The following SPOCK3 variants were observed in gnomAD, a reference collection of about 807,000 sequenced individuals.
The protein encoded by SPOCK3 is testican-3.
SPOCK3 carries 30 observed loss-of-function variants against 56.6 expected under a neutral mutation model. The observed-to-expected ratio is 0.53, with a 90% CI of 0.40 to 0.72. The LOEUF (loss-of-function observed/expected upper bound fraction) is 0.72. Ranked by LOEUF, SPOCK3 falls within the 30% of genes least tolerant of loss-of-function variation. The pLI is 0.00. For synonymous variants in SPOCK3, 196 were observed against 183.3 expected, an observed-to-expected ratio of 1.07 and a Z score of -0.56; for missense variants, 527 against 530.0, an observed-to-expected ratio of 0.99 and a Z score of 0.06.
At chr4:166,762,612 C>T (rs1396605167) in intron 7 of SPOCK3, among the ~76,000 whole-genome samples, 1 of 152,074 alleles carries the variant, frequency 6.6e-6, no homozygotes, top group Admixed American at 6.6e-5. Context: ...CTACAGGGTT[C>T]TGTAAGTTGA....
chr4:166,993,031 C>A (rs993282932), intron 4 of SPOCK3, among the ~76,000 whole-genome samples: 1 of 152,146 alleles, frequency 6.6e-6, no homozygotes, highest in African/African-American at 2.4e-5. Flanking sequence ...TCGATTTAAA[C>A]CCCTGTTCTC....
intron 6 of SPOCK3, among the ~76,000 whole-genome samples, chr4:166,839,950 G>A (rs956489715): frequency 6.6e-6 from 1 of 152,166 alleles, no homozygotes; most frequent in Non-Finnish European, 1.5e-5. Flanking sequence ...CCCTCTGAGG[G>A]TGTATTACTG....
At chr4:167,077,269 TACACACAC>T (rs553960996) in intron 2 of SPOCK3, among the ~76,000 whole-genome samples, 1 of 149,616 alleles carries the variant, frequency 6.7e-6, no homozygotes, top group Non-Finnish European at 1.5e-5. Flanking sequence ...TCATTCTACA[TACACACAC>T]ACACACACAC....
rs1179089954 is a variant in SPOCK3 at position 166,756,034 on chromosome 4, C to T, written c.710-1305G>A. On this transcript the variant is annotated intron_variant, in intron 7 of 10. Coordinates refer to ENST00000357545, the MANE Select transcript of SPOCK3 (RefSeq NM_001040159.2). ...GGCGCAGGCCAGTGTGTGTGCGCAC[C>T]GTGCGCGAGCCGAAGCAGGGCGAGG... Among the ~76,000 whole-genome samples, 24 of 34,354 alleles carry T rather than the reference C, an allele frequency of 7.0e-4. 6 individuals carry two copies. The East Asian group carries it at 8.5e-3, about 12-fold the overall frequency. 22.5% of individuals were successfully genotyped at this position (34,354 alleles called of 152,430 possible).
chr4:166,800,541 T>A lies in SPOCK3; in HGVS notation c.590-8252A>T, dbSNP rs1021389918. On this transcript the variant is annotated intron_variant, in intron 6 of 10. Transcript: ENST00000357545. ...TGATATTGATGATCCTGACCCTATG[T>A]AGGCCTAGGCGAATGTGTGTGTTTG... is the stretch of plus-strand genomic sequence containing the variant. Among the ~76,000 whole-genome samples the A allele has an allele frequency of 2.0e-5, 3 of 152,080 alleles. No homozygotes were observed. The South Asian group carries it at 6.2e-4, about 32-fold the overall frequency.
At chr4:167,205,003 A>T (rs1473790723) in intron 2 of SPOCK3, among the ~76,000 whole-genome samples, 30 of 130,696 alleles carry the variant, frequency 2.3e-4, no homozygotes, top group African/African-American at 7.1e-4. Context: ...ATCACCAGCT[A>T]TTTTTTTTTT....
rs529355371 is a variant in SPOCK3 at position 166,915,086 on chromosome 4, G to A, written c.351-2343C>T. Among the ~76,000 whole-genome samples the A allele has an allele frequency of 8.3e-4, 126 of 152,070 alleles. 3 individuals are homozygous for A. In the South Asian group the frequency reaches 0.024, roughly 29 times the overall value. Reference sequence around the variant, plus strand: ...AATGCATTTCTCAGTCTTATTATAGGAATACAAAGTACTTCTACAAATTTA... The same window carrying A: ...AATGCATTTCTCAGTCTTATTATAGAAATACAAAGTACTTCTACAAATTTA... On this transcript the variant is annotated intron_variant, in intron 4 of 10. Transcript: ENST00000357545.
At position 167,047,785 on chromosome 4, in the gene SPOCK3, C is replaced by T. The variant is rs180786867; in HGVS notation, c.235+14707G>A. On this transcript the variant is annotated intron_variant, in intron 3 of 10. Coordinates refer to ENST00000357545, the MANE Select transcript of SPOCK3 (RefSeq NM_001040159.2). ...TAAGTAACCCTAGTGCTGTGGCTCA[C>T]GCCTGTAATCCCAGCACTTGGGGAG... Among the ~76,000 whole-genome samples the T allele has an allele frequency of 1.4e-4, 21 of 152,282 alleles. No homozygotes were observed. In the East Asian group the frequency reaches 3.1e-3, roughly 22 times the overall value.
chr4:167,022,547 T>C (rs2150164517), intron 3 of SPOCK3, among the ~76,000 whole-genome samples: 1 of 152,118 alleles, frequency 6.6e-6, no homozygotes. Flanking sequence ...GTACCACTTT[T>C]CCCTCAACCC....
chr4:166,755,383 G>A (rs1422549583), intron 7 of SPOCK3, among the ~76,000 whole-genome samples: 3 of 152,072 alleles, frequency 2.0e-5, no homozygotes, highest in African/African-American at 4.8e-5. Flanking sequence ...GAGAGATGAC[G>A]GAACTGGGTT....
chr4:167,036,670 A>C (rs1262770986), intron 3 of SPOCK3, among the ~76,000 whole-genome samples: 2 of 152,182 alleles, frequency 1.3e-5, no homozygotes, highest in Non-Finnish European at 2.9e-5. Context: ...CTCTCTGTGA[A>C]GTGCAATCCA....
intron 4 of SPOCK3, among the ~76,000 whole-genome samples, chr4:166,947,680 T>C (rs1448787827): frequency 6.6e-6 from 1 of 152,200 alleles, no homozygotes; most frequent in Non-Finnish European, 1.5e-5. Flanking sequence ...TTAAAGATTG[T>C]ACTAAAACAT....
rs1201869618 is a variant in SPOCK3, at chr4:166,754,720, G to T, written c.719C>A (p.Thr240Asn). 4 of 1,613,132 alleles carry T rather than the reference G, an allele frequency of 2.5e-6. No individual in the cohort carries two copies. The East Asian group carries it at 8.9e-5, about 36-fold the overall frequency. The change falls in exon 8 of 11, where the codon ACC becomes AAC. Residue 240 changes from threonine (T) to asparagine (N), a missense_variant. Thr to Asn is a moderately conservative substitution (Grantham distance 65). Transcript: ENST00000357545. ...GTCCTTGCAAATTGGCAAGATGCTG[G>T]TATCGAATCCTAAAGGCAAAAAAAA... ...LLRPERSRFDTSILPICKDSL... is the reference protein window; with the variant it reads ...LLRPERSRFDNSILPICKDSL...
chr4:166,951,404 G>C (rs1214427187), intron 4 of SPOCK3, among the ~76,000 whole-genome samples: 1 of 139,864 alleles, frequency 7.1e-6, no homozygotes, highest in East Asian at 2.0e-4. Context: ...TCTCTGAATA[G>C]ACCAATAACA....
intron 4 of SPOCK3, among the ~76,000 whole-genome samples, chr4:166,943,541 A>G (rs977979663): frequency 6.6e-6 from 1 of 152,206 alleles, no homozygotes; most frequent in Admixed American, 6.5e-5. Context: ...CAGGCTAAAA[A>G]CCTCAAGTAG....
At chr4:167,133,166 C>T (rs1228343852) in intron 2 of SPOCK3, among the ~76,000 whole-genome samples, 1 of 151,900 alleles carries the variant, frequency 6.6e-6, no homozygotes, top group Non-Finnish European at 1.5e-5. Context: ...TTGAGATAGA[C>T]AGAGTATTTG....
chr4:166,885,474 C>T lies in SPOCK3; in HGVS notation c.589+3656G>A, dbSNP rs558062633. Among the ~76,000 whole-genome samples the T allele has an allele frequency of 4.0e-3, 605 of 151,974 alleles. 5 individuals are homozygous for T. The highest frequency in any genetic ancestry group is 6.6e-3 in the Non-Finnish European group (446 of 67,988). ...ATAAATTAATTCCAAAGCTTCATGT[C>T]TGGCAATGACCGATTTGCACTGTAT... On this transcript the variant is annotated intron_variant, in intron 6 of 10. Coordinates refer to ENST00000357545, the MANE Select transcript of SPOCK3 (RefSeq NM_001040159.2).
chr4:167,055,845 G>A (rs907035843), intron 3 of SPOCK3, among the ~76,000 whole-genome samples: 3 of 152,202 alleles, frequency 2.0e-5, no homozygotes, highest in African/African-American at 7.2e-5. Context: ...AGGCCTGCCT[G>A]CCTCTGTAGG....
At chr4:166,922,197 G>C (rs1738573777) in intron 4 of SPOCK3, among the ~76,000 whole-genome samples, 1 of 152,080 alleles carries the variant, frequency 6.6e-6, no homozygotes, top group Non-Finnish European at 1.5e-5. Flanking sequence ...ACCAGTCCTT[G>C]GTGCCAAAAA....
Sources: allele counts gnomAD v4.1 joint callset (sites outside exome capture counted in the v4.1 genomes callset), GRCh38; gene constraint gnomAD v4.1.1; transcripts MANE v1.5; gene names NCBI Gene and HGNC (gene_info 2026-07-23, HGNC 2026-07-21).